Variants in AIDA observed in about 807,000 individuals in gnomAD.
AIDA encodes axin interactor, dorsalization associated, also known as axin interactor, dorsalization-associated protein.
A neutral mutation model predicts 42.7 loss-of-function variants in AIDA; 18 were observed. The observed-to-expected ratio is 0.42, with a 90% CI of 0.29 to 0.63. The LOEUF (loss-of-function observed/expected upper bound fraction) is 0.63, where lower values mean the gene tolerates loss of function less well. Ranked by LOEUF, AIDA falls within the 20% of genes least tolerant of loss-of-function variation. AIDA has a pLI of 0.19. For synonymous variants in AIDA, 104 were observed against 122.9 expected, an observed-to-expected ratio of 0.85 and a Z score of 1.02; for missense variants, 250 against 354.1, an observed-to-expected ratio of 0.71 and a Z score of 2.36.
chr1:222,707,052 T>C (rs1655857542), intron 1 of AIDA, among the ~76,000 whole-genome samples: 1 of 152,120 alleles, frequency 6.6e-6, no homozygotes, highest in African/African-American at 2.4e-5. Context: ...TCTGTAACGA[T>C]GGTTGCACAT....
chr1:222,685,933 G>A (rs1397476963), intron 6 of AIDA, among the ~76,000 whole-genome samples: 1 of 152,198 alleles, frequency 6.6e-6, no homozygotes, highest in Non-Finnish European at 1.5e-5. Context: ...GCTGAGGCAG[G>A]TGGATCACCT....
intron 2 of AIDA, among the ~76,000 whole-genome samples, chr1:222,697,962 G>T (rs1021261253): frequency 4.6e-5 from 7 of 151,432 alleles, no homozygotes; most frequent in Non-Finnish European, 8.8e-5. Context: ...CTCAAGACAG[G>T]GAAACGCTTT....
Position 222,676,166 on chromosome 1 carries a change from G to A in AIDA, c.513C>T (p.Ile171=). The A allele has an allele frequency of 6.2e-7, 1 of 1,613,188 alleles. No individual in the cohort carries two copies. Among genetic ancestry groups the A allele is most frequent in the Admixed American group, 1.7e-5 (1 of 59,868 alleles). Residue 171 remains isoleucine (I), a synonymous_variant, in exon 7 of 10, where the codon ATC becomes ATT. Coordinates refer to ENST00000340020, the MANE Select transcript of AIDA (RefSeq NM_022831.4). The part of the protein sequence containing the change: ...PSEPGMTLLT[I]RIEKIGLKDA... ...CTTTCAAACCAATTTTCTCAATTCTGATAGTGAGTAATGTCATTCCTGGTT... is the reference window on the plus strand; with the variant it reads ...CTTTCAAACCAATTTTCTCAATTCTAATAGTGAGTAATGTCATTCCTGGTT...
chr1:222,688,695 G>A (rs1655266500), intron 4 of AIDA, among the ~76,000 whole-genome samples: 1 of 151,926 alleles, frequency 6.6e-6, no homozygotes, highest in Non-Finnish European at 1.5e-5. Context: ...TGCCTCTCAG[G>A]TTCAAGCAAT....
At chr1:222,680,913 T>C (rs1002190765) in intron 6 of AIDA, among the ~76,000 whole-genome samples, 12 of 152,210 alleles carry the variant, frequency 7.9e-5, no homozygotes, top group Non-Finnish European at 1.8e-4. Context: ...AAGACGTTTT[T>C]AGCACAAGAT....
chr1:222,705,622 A>G (rs1312541926), intron 1 of AIDA, among the ~76,000 whole-genome samples: 3 of 152,198 alleles, frequency 2.0e-5, no homozygotes, highest in Non-Finnish European at 4.4e-5. Context: ...AGTGGCTCAC[A>G]CCTGTAATCC....
chr1:222,682,172 T>A (rs541971328), intron 6 of AIDA, among the ~76,000 whole-genome samples: 26 of 152,298 alleles, frequency 1.7e-4, no homozygotes, highest in Admixed American at 1.6e-3. Flanking sequence ...TTTCTGCTTT[T>A]AAAAAAATTG....
In AIDA at chr1:222,676,237, C is replaced by T. The variant is rs1558207521; in HGVS notation, c.461-19G>A. ...AAAGTACCTGGCAACAGAGAAAAAG[C>T]AATAAAAGCTCCATATCATTTCACA... is the stretch of plus-strand genomic sequence containing the variant. On this transcript the variant is annotated intron_variant, in intron 6 of 9. Transcript: ENST00000340020. 2.5e-6 allele frequency: 4 copies of T among 1,600,904 alleles called. No homozygotes were observed. Among genetic ancestry groups the T allele is most frequent in the Non-Finnish European group, 3.4e-6 (4 of 1,175,330 alleles).
intron 8 of AIDA, among the ~76,000 whole-genome samples, chr1:222,670,764 T>C (rs1571921170): frequency 3.3e-5 from 5 of 152,350 alleles, no homozygotes; most frequent in Admixed American, 3.3e-4. Flanking sequence ...GAAAATGTTA[T>C]CTGTTTCCTT....
At chr1:222,687,070 T>C (rs1290211346) in intron 5 of AIDA, 34 bp from the exon 6 acceptor site, 1 of 1,602,266 alleles carries the variant, frequency 6.2e-7, no homozygotes, top group Admixed American at 1.7e-5. Context: ...AACAACAAAC[T>C]GCAAAACTAA....
chr1:222,691,442 C>G (rs1655368521), intron 4 of AIDA, among the ~76,000 whole-genome samples: 1 of 152,160 alleles, frequency 6.6e-6, no homozygotes, highest in South Asian at 2.1e-4. Flanking sequence ...CCTTCAGAGT[C>G]TGTTGTCAGA....
In AIDA at chr1:222,671,870, G is replaced by A. The variant is rs577672269; in HGVS notation, c.706+1443C>T. ...GGAAACCCATCTCCTCCTCATGATCGTGTCTTGAGGTCTGAATAAATGTGA... is the reference window on the plus strand; with the variant it reads ...GGAAACCCATCTCCTCCTCATGATCATGTCTTGAGGTCTGAATAAATGTGA... On this transcript the variant is annotated intron_variant, in intron 8 of 9. Transcript: ENST00000340020. Among the ~76,000 whole-genome samples, 16 of 152,258 alleles carry A rather than the reference G, an allele frequency of 1.1e-4. 1 individual carries two copies. The South Asian group carries it at 1.5e-3, about 14-fold the overall frequency.
At chr1:222,692,402 A>G (rs748159560) in intron 4 of AIDA, among the ~76,000 whole-genome samples, 2 of 152,178 alleles carry the variant, frequency 1.3e-5, no homozygotes, top group East Asian at 3.9e-4. Flanking sequence ...TGAAGCTTAC[A>G]CTCTAGAAAT....
At position 222,698,954 on chromosome 1, in the gene AIDA, T is replaced by C. The variant is rs185782545; in HGVS notation, c.180+4194A>G. Among the ~76,000 whole-genome samples, 226 of 151,684 alleles carry C rather than the reference T, an allele frequency of 1.5e-3. 6 individuals carry two copies. In the South Asian group the frequency reaches 0.021, roughly 14 times the overall value. ...CATTGTTCTGCCTCAGCCTCCCGAGTAGCTGGGACTACAGGTGCCCGCCAC... is the reference window on the plus strand; with the variant it reads ...CATTGTTCTGCCTCAGCCTCCCGAGCAGCTGGGACTACAGGTGCCCGCCAC... On this transcript the variant is annotated intron_variant, in intron 2 of 9. Coordinates refer to ENST00000340020, the MANE Select transcript of AIDA (RefSeq NM_022831.4).
At chr1:222,702,106 C>G (rs1655725687) in intron 2 of AIDA, among the ~76,000 whole-genome samples, 1 of 151,974 alleles carries the variant, frequency 6.6e-6, no homozygotes, top group African/African-American at 2.4e-5. Context: ...TAAAGTAGAT[C>G]CTAAATATTT....
chr1:222,684,629 T>C (rs954499822), intron 6 of AIDA, among the ~76,000 whole-genome samples: 3 of 152,174 alleles, frequency 2.0e-5, no homozygotes, highest in African/African-American at 4.8e-5. Flanking sequence ...AATTAAACCA[T>C]ACATACTCTT....
chr1:222,689,644 G>C (rs1189946369), intron 4 of AIDA, among the ~76,000 whole-genome samples: 2 of 146,984 alleles, frequency 1.4e-5, no homozygotes, highest in African/African-American at 5.0e-5. Context: ...GCTGTACAAA[G>C]TGTTTGTATT....
At chr1:222,677,541 C>T (rs949496282) in intron 6 of AIDA, among the ~76,000 whole-genome samples, 4 of 152,004 alleles carry the variant, frequency 2.6e-5, no homozygotes, top group Admixed American at 6.6e-5. Flanking sequence ...ATGACTGAGG[C>T]GCTAAATGTC....
At chr1:222,689,421 C>G (rs1368140989) in intron 4 of AIDA, among the ~76,000 whole-genome samples, 3 of 145,924 alleles carry the variant, frequency 2.1e-5, no homozygotes, top group African/African-American at 7.5e-5. Flanking sequence ...GCCTGGTCAA[C>G]AGAGCCAGAC....
Sources: allele counts gnomAD v4.1 joint callset (sites outside exome capture counted in the v4.1 genomes callset), GRCh38; gene constraint gnomAD v4.1.1; transcripts MANE v1.5; gene names NCBI Gene and HGNC (gene_info 2026-07-23, HGNC 2026-07-21).